Variants in MAP2K2 observed in about 807,000 individuals in gnomAD.
MAP2K2 encodes mitogen-activated protein kinase kinase 2, also known as dual specificity mitogen-activated protein kinase kinase 2.
A neutral mutation model predicts 43.7 loss-of-function variants in MAP2K2; 24 were observed. That is an observed-to-expected ratio of 0.55 (90% CI 0.40 to 0.77). The LOEUF (loss-of-function observed/expected upper bound fraction) is 0.77. Among genes scored for constraint, MAP2K2 ranks in the 30% least tolerant of loss-of-function variants. The pLI, the probability that MAP2K2 is intolerant of heterozygous loss-of-function variation, is 0.00. For missense variants in MAP2K2, 470 were observed against 566.8 expected (o/e 0.83, Z 1.73); for synonymous variants, 244 against 239.7 (o/e 1.02, Z -0.17).
chr19:4,116,958 A>T (rs1042316744), intron 2 of MAP2K2, among the ~76,000 whole-genome samples: 1 of 152,166 alleles, frequency 6.6e-6, no homozygotes, highest in African/African-American at 2.4e-5. Context: ...AAAAATAAAC[A>T]TACAGAAGGC....
intron 3 of MAP2K2, among the ~76,000 whole-genome samples, chr19:4,105,762 C>T (rs1444875728): frequency 1.3e-5 from 2 of 152,264 alleles, no homozygotes; most frequent in South Asian, 2.1e-4. Context: ...CAGCCTCCAC[C>T]TCCTTGGTTC....
chr19:4,094,383 AG>A, intron 10 of MAP2K2, 69 bp downstream of exon 10: 1 of 1,499,660 alleles, frequency 6.7e-7, no homozygotes, highest in East Asian at 2.5e-5. Flanking sequence ...CAGGCCCAGC[AG>A]CCTTATTTCC....
chr19:4,098,361 C>CTG (rs1297578835), intron 7 of MAP2K2, among the ~76,000 whole-genome samples: 1 of 152,196 alleles, frequency 6.6e-6, no homozygotes, highest in South Asian at 2.1e-4. Context: ...GGGCGCAGCA[C>CTG]TGTGACTGAA....
intron 4 of MAP2K2, 43 bp downstream of exon 4, chr19:4,102,333 C>A (rs1568254682): frequency 6.6e-7 from 1 of 1,508,772 alleles, no homozygotes; most frequent in East Asian, 2.4e-5. Context: ...GAGGTCCGTG[C>A]AGAGTGCGGT....
intron 2 of MAP2K2, among the ~76,000 whole-genome samples, chr19:4,112,825 C>T (rs1303436120): frequency 6.6e-6 from 1 of 152,230 alleles, no homozygotes; most frequent in African/African-American, 2.4e-5. Flanking sequence ...CCCCTCCAGC[C>T]AGGCTGTAAC....
In MAP2K2 at chr19:4,101,714, C is replaced by CGT. The variant is rs1355178186; in HGVS notation, c.529-435_529-434insAC. On this transcript the variant is annotated intron_variant, in intron 4 of 10. Coordinates refer to ENST00000262948, the MANE Select transcript of MAP2K2 (RefSeq NM_030662.4). The surrounding 1 kb of genome is among the most constrained non-coding windows in gnomAD (Gnocchi z 6.3). ...GGTGCCTGGGAAGGACGATGTTTCCCCCAGGCCCGCCCTGGAAGCAGCATC... is the reference window on the plus strand; with the variant it reads ...GGTGCCTGGGAAGGACGATGTTTCCCGTCCAGGCCCGCCCTGGAAGCAGCATC... Among the ~76,000 whole-genome samples the CGT allele has an allele frequency of 1.3e-5, 2 of 152,146 alleles. No individual in the cohort carries two copies. The highest frequency in any genetic ancestry group is 2.9e-5 in the Non-Finnish European group (2 of 68,008).
At chr19:4,116,668 G>A (rs150067351) in intron 2 of MAP2K2, among the ~76,000 whole-genome samples, 33 of 152,118 alleles carry the variant, frequency 2.2e-4, no homozygotes, top group African/African-American at 7.5e-4. Context: ...CTGAGCTGCT[G>A]TCTGTTTATT....
rs146376140 is a variant in MAP2K2, at chr19:4,097,367, T to G, written c.920-24A>C. 2.1e-5 allele frequency: 34 copies of G among 1,598,428 alleles called. No homozygotes were observed. In the East Asian group the frequency reaches 6.3e-4, roughly 29 times the overall value. ...ACCTGCACAGGGAGAGAGATGGAGG[T>G]GAGATGGGCCGATGGCCACCTCACT... On this transcript the variant is annotated intron_variant, in intron 7 of 10. Transcript: ENST00000262948.
rs1192836237 is a variant in MAP2K2, at chr19:4,097,226, A to AAG, written c.984+52_984+53insCT. ...TGCCTAAAAAAAAAAAAAAAAAAAAAAAGAAAGAAGAAAGAAAAGGAAAAG... is the reference window on the plus strand; with the variant it reads ...TGCCTAAAAAAAAAAAAAAAAAAAAAAGAAGAAAGAAGAAAGAAAAGGAAAAG... On this transcript the variant is annotated intron_variant, in intron 8 of 10. Transcript: ENST00000262948. 7 of 1,257,398 alleles carry AAG rather than the reference A, an allele frequency of 5.6e-6. No individual in the cohort carries two copies. In the East Asian group the frequency reaches 1.7e-4, roughly 30 times the overall value. 77.9% of individuals were successfully genotyped at this position (1,257,398 alleles called of 1,614,324 possible).
Position 4,090,724 on chromosome 19 carries a change from A to G in MAP2K2, c.1093-16T>C. 1.3e-6 allele frequency: 2 copies of G among 1,525,746 alleles called. No homozygotes were observed. Among genetic ancestry groups the G allele is most frequent in the Non-Finnish European group, 1.8e-6 (2 of 1,123,462 alleles). 94.5% of individuals were successfully genotyped at this position (1,525,746 alleles called of 1,614,324 possible). A position where few individuals can be genotyped will look rare whatever the true frequency, so the allele number is the denominator to read the frequency against. On this transcript the variant is annotated splice_polypyrimidine_tract_variant and intron_variant, in intron 10 of 10. Coordinates refer to ENST00000262948, the MANE Select transcript of MAP2K2 (RefSeq NM_030662.4). Reference sequence around the variant, plus strand: ...AGGTGTGGTTCTGCAAGGAAAGGGGAGCCGTGAGCACCCGGGCCTGGAGTC... The same window carrying G: ...AGGTGTGGTTCTGCAAGGAAAGGGGGGCCGTGAGCACCCGGGCCTGGAGTC...
intron 3 of MAP2K2, among the ~76,000 whole-genome samples, chr19:4,107,325 C>T (rs1294231316): frequency 6.6e-6 from 1 of 151,960 alleles, no homozygotes; most frequent in African/African-American, 2.4e-5. Context: ...GAGATCGAGA[C>T]CATCCTGGCT....
At chr19:4,121,988 C>A (rs770691547) in intron 1 of MAP2K2, among the ~76,000 whole-genome samples, 90 of 144,750 alleles carry the variant, frequency 6.2e-4, no homozygotes, top group Admixed American at 3.1e-3. Flanking sequence ...CCCATCCTCT[C>A]CCCTAAGGGA....
chr19:4,105,169 TG>T (rs1436951437), intron 3 of MAP2K2, among the ~76,000 whole-genome samples: 4 of 145,620 alleles, frequency 2.7e-5, no homozygotes, highest in Non-Finnish European at 6.0e-5. Flanking sequence ...TGTGTGTGTG[TG>T]TGTGTGTGTG....
At chr19:4,120,011 C>T (rs1034528812) in intron 1 of MAP2K2, among the ~76,000 whole-genome samples, 8 of 152,278 alleles carry the variant, frequency 5.3e-5, no homozygotes, top group African/African-American at 1.9e-4. Context: ...GCCTGGGCAC[C>T]GCTTCCTGGG....
chr19:4,097,228 AGAAAG>A, intron 8 of MAP2K2, 46 bp downstream of exon 8: 15 of 1,131,886 alleles, frequency 1.3e-5, no homozygotes, highest in Non-Finnish European at 1.7e-5. Context: ...AAAAAAAAAA[AGAAAG>A]AAGAAAGAAA....
intron 3 of MAP2K2, among the ~76,000 whole-genome samples, chr19:4,107,602 A>C (rs2041101031): frequency 6.6e-6 from 1 of 150,840 alleles, no homozygotes; most frequent in Non-Finnish European, 1.5e-5. Flanking sequence ...GGCTACCTGG[A>C]AGGTTGAGGC....
rs1178578194 is a variant in MAP2K2 at position 4,115,475 on chromosome 19, G to A, written c.303+1944C>T. Among the ~76,000 whole-genome samples, 1 of 152,232 alleles carries A rather than the reference G, an allele frequency of 6.6e-6. No individual in the cohort carries two copies. Among genetic ancestry groups the A allele is most frequent in the Non-Finnish European group, 1.5e-5 (1 of 68,036 alleles). On this transcript the variant is annotated intron_variant, in intron 2 of 10. Transcript: ENST00000262948. This position sits in a 1 kb window ranked among gnomAD's most constrained non-coding sequence, Gnocchi z 4.1. ...ACACGAGGACTGGCACTGTCTCAAGGCCCTGCTGTGGCTGTGTGAACCACA... is the reference window on the plus strand; with the variant it reads ...ACACGAGGACTGGCACTGTCTCAAGACCCTGCTGTGGCTGTGTGAACCACA...
At chr19:4,094,582 G>T in intron 9 of MAP2K2, 84 bp from the exon 10 acceptor site, 1 of 1,339,668 alleles carries the variant, frequency 7.5e-7, no homozygotes, top group Non-Finnish European at 1.0e-6. Context: ...GCACCCGCGT[G>T]TGGGCCGTGG....
At chr19:4,093,517 C>A (rs956948523) in intron 10 of MAP2K2, among the ~76,000 whole-genome samples, 2 of 152,026 alleles carry the variant, frequency 1.3e-5, no homozygotes, top group Admixed American at 6.6e-5. Flanking sequence ...ATGGTGAAAG[C>A]CTGTTTCTAC....
Sources: allele counts gnomAD v4.1 joint callset (sites outside exome capture counted in the v4.1 genomes callset), GRCh38; gene constraint gnomAD v4.1.1; non-coding constraint Gnocchi (gnomAD v3.1); transcripts MANE v1.5; gene names NCBI Gene and HGNC (gene_info 2026-07-23, HGNC 2026-07-21).